Variants in PLEKHA2 observed in about 807,000 individuals in gnomAD.
The protein encoded by PLEKHA2 is pleckstrin homology domain-containing family A member 2.
In PLEKHA2, 28 loss-of-function variants were observed where a neutral mutation model predicts 53.2. That is an observed-to-expected ratio of 0.53 (90% CI 0.39 to 0.72). The LOEUF is 0.72. Among genes scored for constraint, PLEKHA2 ranks in the 30% least tolerant of loss-of-function variants. The pLI, the probability that PLEKHA2 is intolerant of heterozygous loss-of-function variation, is 0.00. For missense variants in PLEKHA2, 426 were observed against 537.9 expected (o/e 0.79, Z 2.06); for synonymous variants, 193 against 196.4 (o/e 0.98, Z 0.14).
At chr8:38,965,203 G>C (rs1397986360) in intron 10 of PLEKHA2, among the ~76,000 whole-genome samples, 1 of 152,116 alleles carries the variant, frequency 6.6e-6, no homozygotes, top group Non-Finnish European at 1.5e-5. Context: ...CTAGTTTTCT[G>C]TGATTCTGTG....
At chr8:38,957,213 C>G (rs1834957790) in intron 9 of PLEKHA2, 110 bp from the exon 10 acceptor site, 1 of 778,894 alleles carries the variant, frequency 1.3e-6, no homozygotes, top group Non-Finnish European at 2.1e-6. Context: ...TGGAACCACC[C>G]CCCACCCATC....
chr8:38,953,450 A>G lies in PLEKHA2; in HGVS notation c.773+83A>G, dbSNP rs143016417. 3.8e-4 allele frequency: 486 copies of G among 1,277,272 alleles called. 1 individual carries two copies. In the African/African-American group the frequency reaches 6.2e-3, roughly 16 times the overall value. 79.1% of individuals were successfully genotyped at this position (1,277,272 alleles called of 1,614,324 possible). A position where few individuals can be genotyped will look rare whatever the true frequency, so the allele number is the denominator to read the frequency against. On this transcript the variant is annotated intron_variant, in intron 9 of 11. Coordinates refer to ENST00000617275, the MANE Select transcript of PLEKHA2 (RefSeq NM_021623.2). ...CCCTTTACTACCCTTCAGAGACTCT[A>G]TGCAAGAGTCATCTTCTTCCAAGAG...
Position 38,973,346 on chromosome 8 carries a change from T to A in PLEKHA2, c.*3563T>A, listed in dbSNP as rs1430251160. On this transcript the variant is annotated 3_prime_UTR_variant, in exon 12 of 12. Transcript: ENST00000617275. ...AGCTTCTTAGTCTACTTGAAGCAAA[T>A]TTTTTTTCTTTTATATTTCTGAATA... The A allele has an allele frequency of 1.3e-5, 2 of 151,786 alleles. No homozygotes were observed. Among genetic ancestry groups the A allele is most frequent in the South Asian group, 2.1e-4 (1 of 4,770 alleles). The allele number at this position is 151,786 out of a possible 1,614,324, so 9.4% of individuals were successfully genotyped here.
In PLEKHA2 at chr8:38,917,911, A is replaced by G. The variant is rs753669586; in HGVS notation, c.-19A>G. 16 of 1,612,920 alleles carry G rather than the reference A, an allele frequency of 9.9e-6. No individual in the cohort carries two copies. The highest frequency in any genetic ancestry group is 1.4e-5 in the Non-Finnish European group (16 of 1,179,284). ...GCACCTCCCTCCTGCGCGCAGGGTG[A>G]TGTGAGCAGAGCCCAGGAATGCCTT... On this transcript the variant is annotated 5_prime_UTR_variant, in exon 2 of 12. It removes an upstream start codon present in the reference 5' UTR. Coordinates refer to ENST00000617275, the MANE Select transcript of PLEKHA2 (RefSeq NM_021623.2).
At chr8:38,952,732 A>G (rs1415855929) in intron 8 of PLEKHA2, 28 bp downstream of exon 8, 7 of 1,600,942 alleles carry the variant, frequency 4.4e-6, no homozygotes, top group Non-Finnish European at 6.0e-6. Flanking sequence ...TGCCCTTCTG[A>G]GAGGTCATGG....
intron 10 of PLEKHA2, among the ~76,000 whole-genome samples, chr8:38,962,482 T>C (rs902723660): frequency 2.6e-5 from 4 of 152,190 alleles, no homozygotes; most frequent in African/African-American, 9.7e-5. Context: ...AAATGGATCA[T>C]GGTGACCAAA....
intron 1 of PLEKHA2, among the ~76,000 whole-genome samples, chr8:38,904,645 T>A (rs1833843290): frequency 6.6e-6 from 1 of 152,210 alleles, no homozygotes; most frequent in Non-Finnish European, 1.5e-5. Context: ...TTAAACCTCC[T>A]GGAGAATTTT....
Position 38,930,914 on chromosome 8 carries a change from A to G in PLEKHA2, c.142-5080A>G, listed in dbSNP as rs115288469. Among the ~76,000 whole-genome samples, 674 of 152,334 alleles carry G rather than the reference A, an allele frequency of 4.4e-3. 4 individuals carry two copies. Among genetic ancestry groups the G allele is most frequent in the African/African-American group, 0.016 (655 of 41,572 alleles). ...TCCCTTGGGAGCTCTGGAAACAGGCAGGTGCCTGGGTATCCCAGACGAGTT... is the reference window on the plus strand; with the variant it reads ...TCCCTTGGGAGCTCTGGAAACAGGCGGGTGCCTGGGTATCCCAGACGAGTT... On this transcript the variant is annotated intron_variant, in intron 2 of 11. Transcript: ENST00000617275.
At chr8:38,931,630 C>G (rs1834395026) in intron 2 of PLEKHA2, among the ~76,000 whole-genome samples, 2 of 152,178 alleles carry the variant, frequency 1.3e-5, no homozygotes, top group South Asian at 4.1e-4. Context: ...CATTGGTCTT[C>G]CAGTACTTTA....
intron 1 of PLEKHA2, among the ~76,000 whole-genome samples, chr8:38,912,332 CA>C (rs1256274771): frequency 3.3e-5 from 5 of 152,110 alleles, no homozygotes; most frequent in African/African-American, 1.2e-4. Flanking sequence ...AACAAAAAAC[CA>C]ACCATGTAAC....
chr8:38,918,856 A>C (rs1333699397), intron 2 of PLEKHA2, among the ~76,000 whole-genome samples: 1 of 152,172 alleles, frequency 6.6e-6, no homozygotes, highest in Non-Finnish European at 1.5e-5. Flanking sequence ...GCTTGGAGAG[A>C]ATGATGCTGT....
At chr8:38,905,174 T>C (rs911346468) in intron 1 of PLEKHA2, among the ~76,000 whole-genome samples, 20 of 152,150 alleles carry the variant, frequency 1.3e-4, no homozygotes, top group Non-Finnish European at 2.6e-4. Flanking sequence ...ATACTCATAT[T>C]GGCTGGATGC....
intron 3 of PLEKHA2, among the ~76,000 whole-genome samples, chr8:38,940,894 T>TCA (rs1834599088): frequency 8.0e-6 from 1 of 124,746 alleles, no homozygotes; most frequent in African/African-American, 2.6e-5. Context: ...TAATTGGCTA[T>TCA]TATATATATA....
chr8:38,950,322 C>T (rs1194376269), intron 5 of PLEKHA2, among the ~76,000 whole-genome samples: 3 of 152,160 alleles, frequency 2.0e-5, no homozygotes, highest in Non-Finnish European at 4.4e-5. Flanking sequence ...GTGTGAGGCC[C>T]CGGACCTGGC....
chr8:38,920,805 T>C (rs1834172791), intron 2 of PLEKHA2, among the ~76,000 whole-genome samples: 2 of 151,906 alleles, frequency 1.3e-5, no homozygotes, highest in South Asian at 4.2e-4. Context: ...TTCTTTTTTT[T>C]TTTTCTTCTT....
chr8:38,952,486 G>A (rs1202857625), intron 7 of PLEKHA2, 150 bp from the exon 8 acceptor site: 13 of 1,265,306 alleles, frequency 1.0e-5, no homozygotes, highest in African/African-American at 1.5e-5. Flanking sequence ...TGTCAGAGGT[G>A]TTGCCCCTGA....
intron 10 of PLEKHA2, among the ~76,000 whole-genome samples, chr8:38,963,181 A>G (rs917903235): frequency 6.6e-6 from 1 of 152,222 alleles, no homozygotes; most frequent in Non-Finnish European, 1.5e-5. Flanking sequence ...GCAACGATTC[A>G]TTTTAATACT....
chr8:38,943,165 C>T (rs923647421), intron 3 of PLEKHA2, among the ~76,000 whole-genome samples: 5 of 152,024 alleles, frequency 3.3e-5, no homozygotes, highest in African/African-American at 4.8e-5. Flanking sequence ...GATAGGTTTT[C>T]GTCAGGACTT....
intron 4 of PLEKHA2, among the ~76,000 whole-genome samples, chr8:38,945,079 G>A (rs965318962): frequency 2.0e-5 from 3 of 152,188 alleles, no homozygotes; most frequent in East Asian, 1.9e-4. Flanking sequence ...CAGAGTCACC[G>A]TGCATGGGTG....
Sources: gnomAD v4.1 joint callset for allele counts (sites outside exome capture counted in the v4.1 genomes callset) on GRCh38, gnomAD v4.1.1 for gene constraint, MANE v1.5 for transcripts, NCBI Gene and HGNC (gene_info 2026-07-23, HGNC 2026-07-21) for gene names.